RARB: variants seen among roughly 807,000 people sequenced by gnomAD.
RARB encodes the protein retinoic acid receptor beta, also known as HBV-activated protein.
Under a neutral mutation model 51.9 loss-of-function variants are expected in RARB, and 17 were observed. The ratio of observed to expected loss-of-function variants is 0.33; its 90% CI spans 0.22 to 0.49. RARB has a LOEUF of 0.49. Among genes scored for constraint, RARB ranks in the 20% least tolerant of loss-of-function variants. The pLI, the probability that RARB is intolerant of heterozygous loss-of-function variation, is 0.99. For missense variants in RARB, 369 were observed against 550.8 expected (o/e 0.67, Z 3.30); for synonymous variants, 215 against 195.4 (o/e 1.10, Z -0.84).
intron 5 of RARB, among the ~76,000 whole-genome samples, chr3:25,590,709 C>T (rs1482633602): frequency 6.6e-6 from 1 of 152,154 alleles, no homozygotes; most frequent in Non-Finnish European, 1.5e-5. Flanking sequence ...TTGGTAGGGA[C>T]AGATTTCACC....
chr3:24,970,437 A>C (rs1192619175), intron 2 of RARB, among the ~76,000 whole-genome samples: 2 of 151,960 alleles, frequency 1.3e-5, no homozygotes, highest in Non-Finnish European at 2.9e-5. Context: ...CATACTGGGG[A>C]GTCTACTCTG....
chr3:25,328,637 G>C (rs963625963), intron 5 of RARB, among the ~76,000 whole-genome samples: 1 of 152,184 alleles, frequency 6.6e-6, no homozygotes, highest in African/African-American at 2.4e-5. Context: ...CAATTTTTGC[G>C]TTTCCAACTG....
chr3:25,103,913 G>T (rs915442959), intron 3 of RARB, among the ~76,000 whole-genome samples: 1 of 152,126 alleles, frequency 6.6e-6, no homozygotes, highest in Non-Finnish European at 1.5e-5. Context: ...GCTTGGAAGA[G>T]ATTGTGTGAT....
chr3:24,899,259 C>A (rs572983965), intron 2 of RARB, among the ~76,000 whole-genome samples: 1 of 152,116 alleles, frequency 6.6e-6, no homozygotes, highest in Non-Finnish European at 1.5e-5. Flanking sequence ...ACAGATCACA[C>A]GTACATGAAG....
intron 2 of RARB, among the ~76,000 whole-genome samples, chr3:24,877,225 C>T (rs1272937144): frequency 4.0e-5 from 6 of 151,862 alleles, no homozygotes; most frequent in African/African-American, 1.5e-4. Flanking sequence ...TAGTATCTCA[C>T]TTCTGTTTAA....
At chr3:25,589,780 G>A (rs546791933) in intron 5 of RARB, among the ~76,000 whole-genome samples, 6 of 152,346 alleles carry the variant, frequency 3.9e-5, no homozygotes, top group East Asian at 1.9e-4. Context: ...TTGTCCAACA[G>A]GGCCCTGCTT....
chr3:24,881,795 C>T (rs569681196), intron 2 of RARB, among the ~76,000 whole-genome samples: 62 of 152,218 alleles, frequency 4.1e-4, no homozygotes, highest in Admixed American at 1.2e-3. Flanking sequence ...AAAATAGTGT[C>T]TCAGGAGTGA....
intron 5 of RARB, among the ~76,000 whole-genome samples, chr3:25,342,065 C>A: frequency 6.6e-6 from 1 of 152,098 alleles, no homozygotes. Flanking sequence ...CATAGTAGAT[C>A]CTCAATAAAT....
At chr3:25,230,129 C>T (rs1702142734) in intron 5 of RARB, among the ~76,000 whole-genome samples, 1 of 152,092 alleles carries the variant, frequency 6.6e-6, no homozygotes, top group Non-Finnish European at 1.5e-5. Context: ...CTTCTGTCTT[C>T]TCTGTTTCTT....
intron 2 of RARB, among the ~76,000 whole-genome samples, chr3:25,480,869 TATA>T (rs1696193633): frequency 1.3e-5 from 2 of 152,118 alleles, no homozygotes; most frequent in Non-Finnish European, 1.5e-5. Flanking sequence ...AGTACAAGCT[TATA>T]ATGATGAGAA....
chr3:25,429,336 A>G lies in RARB; in HGVS notation c.157+448A>G, dbSNP rs182523744. On this transcript the variant is annotated intron_variant, in intron 1 of 7. Coordinates refer to ENST00000330688, the MANE Select transcript of RARB (RefSeq NM_000965.5). Reference sequence around the variant, plus strand: ...GTCCCCCCACCCCTTGTGTATTCCAACAGTCCAAAGTAATTAAAATATGAC... The same window carrying G: ...GTCCCCCCACCCCTTGTGTATTCCAGCAGTCCAAAGTAATTAAAATATGAC... 8.5e-5 allele frequency among the ~76,000 whole-genome samples: 13 copies of G among 152,266 alleles called. No individual in the cohort carries two copies. The East Asian group carries it at 2.3e-3, about 27-fold the overall frequency.
chr3:25,449,515 C>G (rs6777544), intron 1 of RARB, among the ~76,000 whole-genome samples: 78,013 of 151,906 alleles, frequency 0.51, 20,227 homozygotes, highest in East Asian at 0.71. Context: ...AACTTCCTGC[C>G]AGGGACAGCT....
chr3:25,412,561 T>C (rs1707590474), intron 5 of RARB, among the ~76,000 whole-genome samples: 1 of 152,238 alleles, frequency 6.6e-6, no homozygotes, highest in South Asian at 2.1e-4. Flanking sequence ...AGAGTTTGCT[T>C]GTTTGTTTGT....
chr3:25,516,561 TA>T (rs1207699528), intron 3 of RARB, among the ~76,000 whole-genome samples: 6 of 151,688 alleles, frequency 4.0e-5, no homozygotes, highest in Non-Finnish European at 8.8e-5. Flanking sequence ...GCAACCTAGT[TA>T]AAAAAAGCCA....
chr3:25,171,680 T>C (rs891866324), intron 4 of RARB, among the ~76,000 whole-genome samples: 9 of 104,250 alleles, frequency 8.6e-5, no homozygotes, highest in Non-Finnish European at 1.9e-4. Flanking sequence ...AAAATCAGAA[T>C]TGTGCCCTGC....
chr3:25,389,577 C>T (rs1706890700), intron 5 of RARB, among the ~76,000 whole-genome samples: 1 of 152,130 alleles, frequency 6.6e-6, no homozygotes, highest in South Asian at 2.1e-4. Flanking sequence ...TATCATAGTA[C>T]TTATAAGAGT....
chr3:25,312,124 T>A (rs904315523), intron 5 of RARB, among the ~76,000 whole-genome samples: 2 of 152,206 alleles, frequency 1.3e-5, no homozygotes, highest in South Asian at 4.2e-4. Flanking sequence ...GCAATCATTT[T>A]TGAAATGCCA....
At chr3:25,174,604 T>G (rs764310379) in intron 5 of RARB, 9 of 1,350,564 alleles carry the variant, frequency 6.7e-6, no homozygotes, top group Non-Finnish European at 8.8e-6. Flanking sequence ...TGCTCTCTTT[T>G]CTCTGGGTTG....
intron 5 of RARB, among the ~76,000 whole-genome samples, chr3:25,276,413 T>C (rs72619933): frequency 0.056 from 8,471 of 152,294 alleles, 579 homozygotes; most frequent in East Asian, 0.4. Flanking sequence ...TCAATAAATA[T>C]GTACAATTGT....
Sources: gnomAD v4.1 joint callset for allele counts (sites outside exome capture counted in the v4.1 genomes callset) on GRCh38, gnomAD v4.1.1 for gene constraint, MANE v1.5 for transcripts, NCBI Gene and HGNC (gene_info 2026-07-23, HGNC 2026-07-21) for gene names.